BEND4: variants seen among roughly 807,000 people sequenced by gnomAD.
The protein encoded by BEND4 is BEN domain containing 4.
Under a neutral mutation model 54.7 loss-of-function variants are expected in BEND4, and 27 were observed. The observed-to-expected ratio is 0.49, with a 90% confidence interval of 0.36 to 0.68. The LOEUF is 0.68. BEND4 is among the 30% of genes least tolerant of loss of function. BEND4 has a pLI of 0.00. For synonymous variants in BEND4, 327 were observed against 299.5 expected (o/e 1.09, Z -0.95); for missense variants, 702 against 697.2 (o/e 1.01, Z -0.08).
At chr4:42,144,047 A>T (rs1422486965) in intron 2 of BEND4, 53 bp from the exon 3 acceptor site, 1 of 1,280,494 alleles carries the variant, frequency 7.8e-7, no homozygotes, top group African/African-American at 1.5e-5. Context: ...GCAAAAGATA[A>T]ATAAAGTCCT....
At chr4:42,138,609 G>T (rs1402427607) in intron 3 of BEND4, among the ~76,000 whole-genome samples, 3 of 152,168 alleles carry the variant, frequency 2.0e-5, no homozygotes, top group Non-Finnish European at 4.4e-5. Context: ...AGAAAAATGT[G>T]TAACTATGTG....
At chr4:42,126,193 A>C (rs1008421030) in intron 3 of BEND4, among the ~76,000 whole-genome samples, 3 of 152,252 alleles carry the variant, frequency 2.0e-5, no homozygotes, top group Non-Finnish European at 4.4e-5. Context: ...AGCACAATTC[A>C]CTGAGAACTT....
chr4:42,113,022 CATA>C lies in BEND4; in HGVS notation c.*4493_*4495del, dbSNP rs1466611771. The C allele has an allele frequency of 6.6e-6, 1 of 152,194 alleles. No individual in the cohort carries two copies. Among genetic ancestry groups the C allele is most frequent in the Non-Finnish European group, 1.5e-5 (1 of 68,032 alleles). The allele number at this position is 152,194 out of a possible 1,614,324, so 9.4% of individuals were successfully genotyped here. ...CATCACTATGTTTACAAAAATACAT[CATA>C]ATGATACATACTGCTGTTTAGACAC... On this transcript the variant is annotated 3_prime_UTR_variant, in exon 6 of 6. Coordinates refer to ENST00000502486, the MANE Select transcript of BEND4 (RefSeq NM_207406.4).
intron 3 of BEND4, among the ~76,000 whole-genome samples, chr4:42,142,188 G>A (rs1050133918): frequency 1.3e-5 from 2 of 151,772 alleles, no homozygotes; most frequent in Non-Finnish European, 2.9e-5. Context: ...TTACAGGCGT[G>A]AGCCACTGCG....
rs550055403 is a variant in BEND4, at chr4:42,147,749, A to T, written c.488-3755T>A. 4.5e-3 allele frequency among the ~76,000 whole-genome samples: 691 copies of T among 152,190 alleles called. 7 individuals are homozygous for T. The highest frequency in any genetic ancestry group is 0.016 in the African/African-American group (665 of 41,540). On this transcript the variant is annotated intron_variant, in intron 2 of 5. Transcript: ENST00000502486. ...GATTCCAAAATCTGAACCCATGATT[A>T]TTTTTTTAATTAAAAAATTCATTTT...
Position 42,152,186 on chromosome 4 carries a change from G to C in BEND4, c.-43C>G. ...GTCCCTCGGAGCACGTCCCCTCCCC[G>C]CCGGGCGCCGGGCTCCGAGGGTGCC... On this transcript the variant is annotated 5_prime_UTR_variant, in exon 2 of 6. Transcript: ENST00000502486. 1 of 1,235,528 alleles carries C rather than the reference G, an allele frequency of 8.1e-7. No homozygotes were observed. The highest frequency in any genetic ancestry group is 1.0e-6 in the Non-Finnish European group (1 of 982,380). 76.5% of individuals were successfully genotyped at this position (1,235,528 alleles called of 1,614,324 possible). A position where few individuals can be genotyped will look rare whatever the true frequency, so the allele number is the denominator to read the frequency against.
intron 3 of BEND4, among the ~76,000 whole-genome samples, chr4:42,130,246 C>T (rs938225820): frequency 1.3e-4 from 20 of 152,006 alleles, no homozygotes; most frequent in African/African-American, 4.3e-4. Context: ...TTTGGGAGGC[C>T]GAGGCGGGCG....
intron 2 of BEND4, among the ~76,000 whole-genome samples, chr4:42,148,040 G>A (rs1056735766): frequency 1.3e-5 from 2 of 152,076 alleles, no homozygotes; most frequent in African/African-American, 2.4e-5. Flanking sequence ...AAATGCAGAA[G>A]CAGAAATTTT....
chr4:42,138,114 T>C (rs1720756616), intron 3 of BEND4, among the ~76,000 whole-genome samples: 3 of 152,258 alleles, frequency 2.0e-5, no homozygotes, highest in South Asian at 4.1e-4. Flanking sequence ...AATCAACATC[T>C]TGTAAAGATG....
In BEND4 at chr4:42,115,374, A is replaced by T. The variant is rs1043580603; in HGVS notation, c.*2144T>A. 4 of 151,988 alleles carry T rather than the reference A, an allele frequency of 2.6e-5. No homozygotes were observed. The highest frequency in any genetic ancestry group is 9.7e-5 in the African/African-American group (4 of 41,220). 9.4% of individuals were successfully genotyped at this position (151,988 alleles called of 1,614,324 possible). ...ATGTACGGCCATGGAGCAGGGGTGCAGAAAGTGCTCTCATCAGCCTCAGCG... is the reference window on the plus strand; with the variant it reads ...ATGTACGGCCATGGAGCAGGGGTGCTGAAAGTGCTCTCATCAGCCTCAGCG... On this transcript the variant is annotated 3_prime_UTR_variant, in exon 6 of 6. Transcript: ENST00000502486.
At chr4:42,118,678 G>C (rs1328064438) in intron 5 of BEND4, among the ~76,000 whole-genome samples, 2 of 152,162 alleles carry the variant, frequency 1.3e-5, no homozygotes, top group Non-Finnish European at 2.9e-5. Flanking sequence ...ACAGCGATGA[G>C]ACCCCTTATT....
chr4:42,141,036 T>C (rs1251454874), intron 3 of BEND4, among the ~76,000 whole-genome samples: 2 of 152,192 alleles, frequency 1.3e-5, no homozygotes, highest in Non-Finnish European at 2.9e-5. Context: ...TCCCACAGTG[T>C]GCTAGCTGCA....
chr4:42,138,697 C>T (rs964460202), intron 3 of BEND4, among the ~76,000 whole-genome samples: 1 of 152,176 alleles, frequency 6.6e-6, no homozygotes, highest in Non-Finnish European at 1.5e-5. Context: ...TCAAACTTTA[C>T]AAAACAAAGT....
intron 3 of BEND4, among the ~76,000 whole-genome samples, chr4:42,130,507 A>G (rs1042406907): frequency 4.0e-5 from 6 of 151,184 alleles, no homozygotes; most frequent in African/African-American, 1.5e-4. Context: ...AAAATACCAC[A>G]ATGAGATACC....
chr4:42,140,253 C>A (rs1476029708), intron 3 of BEND4, among the ~76,000 whole-genome samples: 7 of 152,016 alleles, frequency 4.6e-5, no homozygotes, highest in Non-Finnish European at 7.4e-5. Context: ...CCAAGTGACA[C>A]TTTAACCTGT....
chr4:42,130,337 A>G (rs755954532), intron 3 of BEND4, among the ~76,000 whole-genome samples: 2 of 151,930 alleles, frequency 1.3e-5, no homozygotes, highest in Non-Finnish European at 1.5e-5. Context: ...AAAATTAGCC[A>G]GGCGTGGTGG....
intron 2 of BEND4, among the ~76,000 whole-genome samples, chr4:42,150,749 C>A (rs1370018163): frequency 6.6e-6 from 1 of 152,236 alleles, no homozygotes; most frequent in East Asian, 1.9e-4. Flanking sequence ...GGCTGCTTTG[C>A]CGGGCAGCGC....
chr4:42,148,279 A>T (rs1456762925), intron 2 of BEND4, among the ~76,000 whole-genome samples: 2 of 152,170 alleles, frequency 1.3e-5, no homozygotes, highest in Admixed American at 1.3e-4. Context: ...TTTTTTCATA[A>T]TGGCAAACAT....
At chr4:42,137,754 C>A (rs962130467) in intron 3 of BEND4, among the ~76,000 whole-genome samples, 2 of 152,126 alleles carry the variant, frequency 1.3e-5, no homozygotes, top group Admixed American at 1.3e-4. Context: ...TACTCCTCCA[C>A]AGTGGAAAAA....
Sources: gnomAD v4.1 joint callset for allele counts (sites outside exome capture counted in the v4.1 genomes callset) on GRCh38, gnomAD v4.1.1 for gene constraint, MANE v1.5 for transcripts, NCBI Gene and HGNC (gene_info 2026-07-23, HGNC 2026-07-21) for gene names.